The following NTSR1 variants were observed in gnomAD, a reference collection of about 807,000 sequenced individuals.
NTSR1 encodes the protein neurotensin receptor 1, also known as neurotensin receptor type 1.
A neutral mutation model predicts 31.2 loss-of-function variants in NTSR1; 29 were observed. The observed-to-expected ratio is 0.93, with a 90% CI of 0.69 to 1.27. The LOEUF (loss-of-function observed/expected upper bound fraction) is 1.27. NTSR1 is among the 50% of genes most tolerant of loss of function. NTSR1 has a pLI of 0.00. For missense variants in NTSR1, 697 were observed against 595.4 expected, an observed-to-expected ratio of 1.17 and a Z score of -1.78; for synonymous variants, 282 against 269.9, an observed-to-expected ratio of 1.04 and a Z score of -0.44.
At chr20:62,721,374 A>G (rs903347418) in intron 1 of NTSR1, among the ~76,000 whole-genome samples, 7 of 152,002 alleles carry the variant, frequency 4.6e-5, no homozygotes, top group Non-Finnish European at 1.0e-4. Context: ...TCCCATTTCC[A>G]TGGTTCTTTT....
chr20:62,739,203 G>A (rs1184981881), intron 1 of NTSR1, among the ~76,000 whole-genome samples: 1 of 152,188 alleles, frequency 6.6e-6, no homozygotes, highest in Non-Finnish European at 1.5e-5. Context: ...CGGGCAGCAG[G>A]CCCCCTCTGG....
intron 1 of NTSR1, among the ~76,000 whole-genome samples, chr20:62,726,900 T>A (rs1276144624): frequency 6.6e-6 from 1 of 152,076 alleles, no homozygotes; most frequent in Admixed American, 6.5e-5. Flanking sequence ...TGTGGCCCCA[T>A]CCACACTGGG....
intron 1 of NTSR1, among the ~76,000 whole-genome samples, chr20:62,737,341 T>G (rs1040613315): frequency 6.6e-6 from 1 of 152,206 alleles, no homozygotes; most frequent in African/African-American, 2.4e-5. Flanking sequence ...CCACAGTGAC[T>G]CACTCTCTGG....
At position 62,708,848 on chromosome 20, in the gene NTSR1, C is replaced by T. The variant is rs907149110; in HGVS notation, c.-360C>T. On this transcript the variant is annotated 5_prime_UTR_variant, in exon 1 of 4. Transcript: ENST00000370501. The surrounding 1 kb of genome is among the most constrained non-coding windows in gnomAD (Gnocchi z 5.9). ...TCCTCCCGGCGCCACAAGCTCGCCC[C>T]GCGCAGCCCGAGCCGGGCTGGGCGC... is the stretch of plus-strand genomic sequence containing the variant. 4.2e-6 allele frequency: 1 copy of T among 235,584 alleles called. No homozygotes were observed. The highest frequency in any genetic ancestry group is 8.5e-5 in the East Asian group (1 of 11,826). 14.6% of individuals were successfully genotyped at this position (235,584 alleles called of 1,614,324 possible). A position where few individuals can be genotyped will look rare whatever the true frequency, so the allele number is the denominator to read the frequency against.
Position 62,743,815 on chromosome 20 carries a change from A to T in NTSR1, c.715-10870A>T, listed in dbSNP as rs1989246724. Among the ~76,000 whole-genome samples, 1 of 152,186 alleles carries T rather than the reference A, an allele frequency of 6.6e-6. No individual in the cohort carries two copies. The highest frequency in any genetic ancestry group is 6.5e-5 in the Admixed American group (1 of 15,286). ...ATTGCTCTCGAAGAGCGAGGTGAGA[A>T]CGCCCTGCCTGAGGTCGAGGGGCTG... On this transcript the variant is annotated intron_variant, in intron 1 of 3. Coordinates refer to ENST00000370501, the MANE Select transcript of NTSR1 (RefSeq NM_002531.3). This position sits in a 1 kb window ranked among gnomAD's most constrained non-coding sequence, Gnocchi z 7.5.
chr20:62,755,016 G>C, intron 2 of NTSR1, 130 bp downstream of exon 2: 1 of 863,724 alleles, frequency 1.2e-6, no homozygotes, highest in Non-Finnish European at 1.7e-6. Context: ...CAAGACCCAA[G>C]GGTGCCAGCT....
At chr20:62,735,799 G>T (rs900520452) in intron 1 of NTSR1, among the ~76,000 whole-genome samples, 2 of 152,196 alleles carry the variant, frequency 1.3e-5, no homozygotes, top group Non-Finnish European at 2.9e-5. Flanking sequence ...CAGGGACAGG[G>T]TCTTCCCCGC....
chr20:62,709,318 C>T lies in NTSR1; in HGVS notation c.111C>T (p.Asn37=), dbSNP rs1262279929. The T allele has an allele frequency of 2.5e-6, 4 of 1,606,870 alleles. No homozygotes were observed. Among genetic ancestry groups the T allele is most frequent in the Admixed American group, 1.7e-5 (1 of 59,768 alleles). ...CGCTGCTGGCCCCGGGCTTCGGCAA[C>T]GCTTCGGGCAACGCGTCGGAGCGCG... The part of the protein sequence containing the change: ...EEALLAPGFG[N]ASGNASERVL... The change falls in exon 1 of 4, where the codon AAC becomes AAT. Residue 37 remains asparagine, a synonymous_variant. Coordinates refer to ENST00000370501, the MANE Select transcript of NTSR1 (RefSeq NM_002531.3).
At chr20:62,751,552 G>C (rs1287170640) in intron 1 of NTSR1, among the ~76,000 whole-genome samples, 2 of 152,268 alleles carry the variant, frequency 1.3e-5, no homozygotes, top group Non-Finnish European at 2.9e-5. Context: ...TAAAAGGTAG[G>C]AAAACGGCAC....
At chr20:62,752,770 G>C (rs1035632218) in intron 1 of NTSR1, among the ~76,000 whole-genome samples, 24 of 152,190 alleles carry the variant, frequency 1.6e-4, no homozygotes, top group Non-Finnish European at 4.4e-5. Flanking sequence ...GGCTGGGCCT[G>C]GCCTCCCCTG....
At chr20:62,753,189 C>T (rs950774307) in intron 1 of NTSR1, among the ~76,000 whole-genome samples, 4 of 152,194 alleles carry the variant, frequency 2.6e-5, no homozygotes, top group African/African-American at 4.8e-5. Flanking sequence ...CCGGGAGCTT[C>T]GATGGGAGCA....
At chr20:62,719,378 C>T (rs1369253903) in intron 1 of NTSR1, among the ~76,000 whole-genome samples, 1 of 151,980 alleles carries the variant, frequency 6.6e-6, no homozygotes, top group Non-Finnish European at 1.5e-5. Context: ...TAAAATTTAC[C>T]ACTTTAATCA....
chr20:62,713,729 C>T (rs1478913404), intron 1 of NTSR1, among the ~76,000 whole-genome samples: 1 of 152,232 alleles, frequency 6.6e-6, no homozygotes, highest in Non-Finnish European at 1.5e-5. Context: ...CATTGGGCTG[C>T]AGCCCTGCCA....
chr20:62,757,348 T>C (rs2147149978), intron 2 of NTSR1, among the ~76,000 whole-genome samples: 1 of 152,358 alleles, frequency 6.6e-6, no homozygotes, highest in South Asian at 2.1e-4. Flanking sequence ...TGAATGGTCT[T>C]GGTGAAGATC....
rs1008130556 is a variant in NTSR1 at position 62,762,213 on chromosome 20, C to T, written c.*1946C>T. 6.6e-6 allele frequency: 1 copy of T among 152,290 alleles called. No homozygotes were observed. Among genetic ancestry groups the T allele is most frequent in the Non-Finnish European group, 1.5e-5 (1 of 68,060 alleles). The allele number at this position is 152,290 out of a possible 1,614,324, so 9.4% of individuals were successfully genotyped here. ...CCAGACAGGGCAGCCTCAGACCCTTCTCTGGGGCTCCTGGACCTTGGGCCA... is the reference window on the plus strand; with the variant it reads ...CCAGACAGGGCAGCCTCAGACCCTTTTCTGGGGCTCCTGGACCTTGGGCCA... On this transcript the variant is annotated 3_prime_UTR_variant, in exon 4 of 4. Transcript: ENST00000370501.
intron 1 of NTSR1, among the ~76,000 whole-genome samples, chr20:62,721,778 C>A (rs1487781125): frequency 2.0e-5 from 3 of 152,248 alleles, no homozygotes; most frequent in African/African-American, 7.2e-5. Context: ...TCCAGGGATC[C>A]TTTCCTTAGG....
chr20:62,755,625 ATCCC>A (rs1208464790), intron 2 of NTSR1, among the ~76,000 whole-genome samples: 2 of 6,412 alleles, frequency 3.1e-4, no homozygotes. Flanking sequence ...CCCTCATTCC[ATCCC>A]TCCCTCCCTC....
intron 1 of NTSR1, among the ~76,000 whole-genome samples, chr20:62,731,614 C>A (rs1468083734): frequency 6.6e-6 from 1 of 152,032 alleles, no homozygotes; most frequent in Non-Finnish European, 1.5e-5. Context: ...GTCTGTGAGG[C>A]CTTTTGAGTT....
chr20:62,753,943 A>G (rs905805203), intron 1 of NTSR1, among the ~76,000 whole-genome samples: 19 of 152,230 alleles, frequency 1.2e-4, no homozygotes, highest in African/African-American at 4.6e-4. Context: ...CAGGAGTCGC[A>G]GAAGGAGCGG....
Sources: gnomAD v4.1 joint callset for allele counts (sites outside exome capture counted in the v4.1 genomes callset) on GRCh38, gnomAD v4.1.1 for gene constraint, Gnocchi (gnomAD v3.1) non-coding constraint, MANE v1.5 for transcripts, NCBI Gene and HGNC (gene_info 2026-07-23, HGNC 2026-07-21) for gene names.